The following LSAMP variants were observed in gnomAD, a reference collection of about 807,000 sequenced individuals.
LSAMP encodes the protein limbic system associated membrane protein, also known as limbic system-associated membrane protein.
LSAMP carries 7 observed loss-of-function variants against 38.6 expected under a neutral mutation model. The observed-to-expected ratio is 0.18, with a 90% CI of 0.10 to 0.34. The LOEUF is 0.34. LSAMP is among the 10% of genes least tolerant of loss of function. The pLI is 1.00. For synonymous variants in LSAMP, 154 were observed against 166.8 expected, an observed-to-expected ratio of 0.92 and a Z score of 0.59; for missense variants, 313 against 420.0, an observed-to-expected ratio of 0.75 and a Z score of 2.23.
At chr3:116,272,919 CATAA>C (rs2046993654) in intron 1 of LSAMP, among the ~76,000 whole-genome samples, 1 of 152,046 alleles carries the variant, frequency 6.6e-6, no homozygotes, top group African/African-American at 2.4e-5. Flanking sequence ...GCATTTTGGG[CATAA>C]ATAACCTTTC....
chr3:116,089,345 C>T (rs958292573), intron 1 of LSAMP, among the ~76,000 whole-genome samples: 1 of 152,052 alleles, frequency 6.6e-6, no homozygotes, highest in African/African-American at 2.4e-5. Context: ...TTAGAATACA[C>T]ATATACTTTT....
At chr3:116,321,392 C>T (rs1244171524) in intron 1 of LSAMP, among the ~76,000 whole-genome samples, 1 of 151,958 alleles carries the variant, frequency 6.6e-6, no homozygotes, top group African/African-American at 2.4e-5. Flanking sequence ...AAAACAAAAA[C>T]AAAAAGGAAA....
chr3:116,019,439 T>C (rs530332892), intron 3 of LSAMP, 76 bp downstream of exon 3: 2 of 1,525,890 alleles, frequency 1.3e-6, no homozygotes, highest in East Asian at 4.7e-5. Context: ...TTGAAATTTC[T>C]GATTCAGCAG....
At chr3:116,259,276 T>C (rs1025232022) in intron 1 of LSAMP, among the ~76,000 whole-genome samples, 1 of 152,154 alleles carries the variant, frequency 6.6e-6, no homozygotes, top group African/African-American at 2.4e-5. Flanking sequence ...AAAAACCTTT[T>C]TTAGCTTATT....
chr3:115,855,690 T>G (rs1454437678), intron 3 of LSAMP, among the ~76,000 whole-genome samples: 1 of 152,208 alleles, frequency 6.6e-6, no homozygotes, highest in Non-Finnish European at 1.5e-5. Context: ...TTCTTTCCTT[T>G]GCCCCGGTGT....
chr3:116,172,713 T>C (rs1710231880), intron 1 of LSAMP, among the ~76,000 whole-genome samples: 1 of 151,904 alleles, frequency 6.6e-6, no homozygotes, highest in African/African-American at 2.4e-5. Context: ...GGGATAGAAA[T>C]ATAAGCACCT....
intron 1 of LSAMP, among the ~76,000 whole-genome samples, chr3:116,200,796 A>T (rs2045978031): frequency 6.6e-6 from 1 of 152,212 alleles, no homozygotes; most frequent in Admixed American, 6.5e-5. Context: ...AAGAGAAAAT[A>T]GCAGCCCAAG....
At chr3:116,076,116 AAAC>A (rs1470299664) in intron 2 of LSAMP, among the ~76,000 whole-genome samples, 2 of 152,200 alleles carry the variant, frequency 1.3e-5, no homozygotes, top group African/African-American at 4.8e-5. Context: ...CCGTTATGTT[AAAC>A]CTGCATCATA....
At chr3:115,976,991 A>G (rs1939207547) in intron 3 of LSAMP, among the ~76,000 whole-genome samples, 1 of 152,206 alleles carries the variant, frequency 6.6e-6, no homozygotes, top group Admixed American at 6.5e-5. Context: ...ACTAGATATC[A>G]TCTTTTAGGA....
At chr3:116,086,642 A>C in intron 1 of LSAMP, 86 bp from the exon 2 acceptor site, 6 of 988,558 alleles carry the variant, frequency 6.1e-6, no homozygotes, top group Non-Finnish European at 9.5e-6. Flanking sequence ...AACAAGTCTA[A>C]ACAAGGAAAA....
chr3:116,301,068 C>G (rs1288696649), intron 1 of LSAMP, among the ~76,000 whole-genome samples: 1 of 151,598 alleles, frequency 6.6e-6, no homozygotes, highest in Non-Finnish European at 1.5e-5. Context: ...TTTTCACATA[C>G]TTTGGGAATT....
In LSAMP at chr3:116,082,469, T is replaced by C. The variant is rs1240294028; in HGVS notation, c.388+3855A>G. Among the ~76,000 whole-genome samples the C allele has an allele frequency of 2.6e-5, 4 of 152,260 alleles. No homozygotes were observed. In the East Asian group the frequency reaches 7.7e-4, roughly 29 times the overall value. Reference sequence around the variant, plus strand: ...CTGATTCCATTGTTCTGGATGTGGTTCTCTGGAATCTGCATTTTGACAAGC... The same window carrying C: ...CTGATTCCATTGTTCTGGATGTGGTCCTCTGGAATCTGCATTTTGACAAGC... On this transcript the variant is annotated intron_variant, in intron 2 of 6. Transcript: ENST00000490035.
intron 1 of LSAMP, among the ~76,000 whole-genome samples, chr3:116,154,468 T>C (rs1344954151): frequency 6.6e-6 from 1 of 152,172 alleles, no homozygotes; most frequent in Non-Finnish European, 1.5e-5. Context: ...AAGACTCAAA[T>C]GGAATCTTCT....
intron 3 of LSAMP, 130 bp from the exon 4 acceptor site, chr3:115,852,747 T>C: frequency 1.1e-6 from 1 of 911,432 alleles, no homozygotes; most frequent in Non-Finnish European, 1.6e-6. Context: ...TTGTCTGACA[T>C]CAGATTCCAC....
chr3:116,407,721 G>A (rs2048915191), intron 1 of LSAMP, among the ~76,000 whole-genome samples: 1 of 152,012 alleles, frequency 6.6e-6, no homozygotes, highest in African/African-American at 2.4e-5. Flanking sequence ...TGATGAATTT[G>A]CATGTTAAAA....
intron 1 of LSAMP, among the ~76,000 whole-genome samples, chr3:116,284,672 T>C (rs1342680743): frequency 1.3e-5 from 2 of 152,202 alleles, no homozygotes; most frequent in African/African-American, 2.4e-5. Flanking sequence ...ATTTAATTCC[T>C]TGATGGCTGT....
At chr3:116,038,949 C>T (rs1297784807) in intron 2 of LSAMP, among the ~76,000 whole-genome samples, 1 of 152,130 alleles carries the variant, frequency 6.6e-6, no homozygotes, top group Non-Finnish European at 1.5e-5. Flanking sequence ...ATAGCATTTA[C>T]TTCAGGTTTT....
At chr3:116,438,098 T>G (rs1229896964) in intron 1 of LSAMP, among the ~76,000 whole-genome samples, 2 of 149,838 alleles carry the variant, frequency 1.3e-5, no homozygotes, top group Non-Finnish European at 3.0e-5. Flanking sequence ...CCTGCACTCC[T>G]GATAAGAAAC....
At chr3:116,002,069 G>A (rs2107660473) in intron 3 of LSAMP, among the ~76,000 whole-genome samples, 1 of 152,194 alleles carries the variant, frequency 6.6e-6, no homozygotes, top group East Asian at 1.9e-4. Context: ...TATAGATGAT[G>A]AGTTAGAGTG....
Sources: gnomAD v4.1 joint callset for allele counts (sites outside exome capture counted in the v4.1 genomes callset) on GRCh38, gnomAD v4.1.1 for gene constraint, MANE v1.5 for transcripts, NCBI Gene and HGNC (gene_info 2026-07-23, HGNC 2026-07-21) for gene names.